ANO10: variants seen among roughly 807,000 people sequenced by gnomAD.
ANO10 encodes the protein anoctamin 10.
In ANO10, 77 loss-of-function variants were observed where a neutral mutation model predicts 74.7. The ratio of observed to expected loss-of-function variants is 1.03; its 90% CI spans 0.86 to 1.25. The LOEUF is 1.25. Among genes scored for constraint, ANO10 ranks in the 50% most tolerant of loss-of-function variants. The pLI is 0.00. For missense variants in ANO10, 721 were observed against 778.1 expected, an observed-to-expected ratio of 0.93 and a Z score of 0.87; for synonymous variants, 279 against 284.9, an observed-to-expected ratio of 0.98 and a Z score of 0.21.
chr3:43,480,471 A>AGG (rs1418394781), intron 11 of ANO10, among the ~76,000 whole-genome samples: 1 of 152,232 alleles, frequency 6.6e-6, no homozygotes, highest in Non-Finnish European at 1.5e-5. Flanking sequence ...GTAAAGGATC[A>AGG]GGGGTCAGGC....
rs369038472 is a variant in ANO10, at chr3:43,589,892, G to A, written c.472+8640C>T. Among the ~76,000 whole-genome samples the A allele has an allele frequency of 3.0e-4, 45 of 152,202 alleles. 1 individual carries two copies. The East Asian group carries it at 5.8e-3, about 20-fold the overall frequency. ...TCAAAATATATTGTTAAATAAAAAA[G>A]CAAGGTCCAAAATGGTATGCACAAT... On this transcript the variant is annotated intron_variant, in intron 4 of 12. Transcript: ENST00000292246.
intron 11 of ANO10, among the ~76,000 whole-genome samples, chr3:43,515,394 A>G (rs944604831): frequency 8.5e-5 from 13 of 152,136 alleles, no homozygotes; most frequent in African/African-American, 3.1e-4. Flanking sequence ...GTAGCCCAGC[A>G]CTCACATCAT....
At chr3:43,388,768 A>G (rs2092197332) in intron 12 of ANO10, among the ~76,000 whole-genome samples, 1 of 152,230 alleles carries the variant, frequency 6.6e-6, no homozygotes, top group African/African-American at 2.4e-5. Context: ...CTAAAATGTT[A>G]TGGTTCATTC....
chr3:43,412,743 ACTTGGAGATAAAACAAT>A (rs2092684833), intron 12 of ANO10, among the ~76,000 whole-genome samples: 3 of 152,232 alleles, frequency 2.0e-5, no homozygotes, highest in African/African-American at 7.2e-5. Flanking sequence ...AAGAGCCTGT[ACTTGGAGATAAAACAAT>A]CTCGATGTGG....
intron 4 of ANO10, among the ~76,000 whole-genome samples, chr3:43,585,270 C>A (rs1188556059): frequency 6.6e-6 from 1 of 152,008 alleles, no homozygotes; most frequent in Non-Finnish European, 1.5e-5. Flanking sequence ...GTATAAAAAT[C>A]TTTCCAATGA....
intron 11 of ANO10, among the ~76,000 whole-genome samples, chr3:43,525,107 C>T (rs2078133059): frequency 6.6e-6 from 1 of 152,148 alleles, no homozygotes; most frequent in Admixed American, 6.6e-5. Flanking sequence ...CTCTTACCCC[C>T]CACCGACCAA....
intron 11 of ANO10, among the ~76,000 whole-genome samples, chr3:43,471,664 T>C (rs1039422761): frequency 2.0e-5 from 3 of 152,256 alleles, no homozygotes; most frequent in Admixed American, 2.0e-4. Context: ...GACATGCTAC[T>C]CAAGAGGCTG....
Position 43,600,497 on chromosome 3 carries a change from G to A in ANO10, c.224C>T (p.Ser75Phe), listed in dbSNP as rs769095178. Residue 75 changes from serine to phenylalanine, a missense_variant, in exon 3 of 13, where the codon TCC becomes TTC. By Grantham distance (155) the Ser-to-Phe change is radical (BLOSUM62 -2). Coordinates refer to ENST00000292246, the MANE Select transcript of ANO10 (RefSeq NM_018075.5). ...TGCCCCTAGTAACATTCTAATCTTG[G>A]AGGCACCAACAAGATATAAGTTCTG... ...ENQNLYLVGA[S>F]KIRMLLGAEA... The A allele has an allele frequency of 1.3e-4, 207 of 1,613,658 alleles. No homozygotes were observed. The highest frequency in any genetic ancestry group is 1.7e-4 in the Non-Finnish European group (203 of 1,179,816).
chr3:43,593,229 C>A (rs909950484), intron 4 of ANO10, among the ~76,000 whole-genome samples: 8 of 152,142 alleles, frequency 5.3e-5, no homozygotes, highest in African/African-American at 1.9e-4. Flanking sequence ...GCAAGGCAGG[C>A]CAACATTCAA....
At chr3:43,469,065 T>A (rs529734375) in intron 11 of ANO10, among the ~76,000 whole-genome samples, 2 of 101,144 alleles carry the variant, frequency 2.0e-5, no homozygotes, top group Non-Finnish European at 3.9e-5. Flanking sequence ...TTTTTTGAGA[T>A]GGAGTCTTGT....
At chr3:43,502,990 G>C (rs1228680715) in intron 11 of ANO10, among the ~76,000 whole-genome samples, 1 of 152,156 alleles carries the variant, frequency 6.6e-6, no homozygotes, top group South Asian at 2.1e-4. Flanking sequence ...AAGATGAAAA[G>C]AATTATAGAG....
At chr3:43,423,495 A>G (rs921679804) in intron 12 of ANO10, among the ~76,000 whole-genome samples, 7 of 152,156 alleles carry the variant, frequency 4.6e-5, no homozygotes, top group Admixed American at 1.3e-4. Flanking sequence ...AGAACAAACT[A>G]TAGTGGGGCA....
chr3:43,492,577 C>T (rs1486119009), intron 11 of ANO10, among the ~76,000 whole-genome samples: 2 of 152,008 alleles, frequency 1.3e-5, no homozygotes, highest in Non-Finnish European at 2.9e-5. Flanking sequence ...CTACAAAGAA[C>T]TTAAATTTAC....
intron 1 of ANO10, among the ~76,000 whole-genome samples, chr3:43,627,496 A>T (rs534035778): frequency 6.6e-6 from 1 of 152,368 alleles, no homozygotes; most frequent in African/African-American, 2.4e-5. Flanking sequence ...TGCCACAGTC[A>T]CTACTGCTTC....
At chr3:43,390,620 C>G (rs2092252693) in intron 12 of ANO10, among the ~76,000 whole-genome samples, 1 of 152,168 alleles carries the variant, frequency 6.6e-6, no homozygotes, top group African/African-American at 2.4e-5. Flanking sequence ...CTGACATGGC[C>G]CTGTTTGTTG....
intron 12 of ANO10, among the ~76,000 whole-genome samples, chr3:43,375,271 C>T (rs577050629): frequency 2.6e-5 from 4 of 151,840 alleles, no homozygotes. Flanking sequence ...CATGGTGAAA[C>T]CCTGTCTCTA....
At chr3:43,502,731 C>T (rs963761275) in intron 11 of ANO10, among the ~76,000 whole-genome samples, 8 of 152,178 alleles carry the variant, frequency 5.3e-5, no homozygotes, top group East Asian at 3.8e-4. Flanking sequence ...GCAGTATGTA[C>T]GTGCAATGGA....
At chr3:43,517,782 T>C (rs180864609) in intron 11 of ANO10, among the ~76,000 whole-genome samples, 4 of 152,316 alleles carry the variant, frequency 2.6e-5, no homozygotes, top group African/African-American at 9.6e-5. Context: ...ATCATACAAA[T>C]TGAGCACTAC....
At position 43,571,277 on chromosome 3, in the gene ANO10, C is replaced by T. The variant is rs947709694; in HGVS notation, c.1218+3532G>A. ...TCAACCATTGTGGAAGTCAGTGTGG[C>T]GACTCCTCAGGGATCTAGAACTGGA... On this transcript the variant is annotated intron_variant, in intron 7 of 12. Coordinates refer to ENST00000292246, the MANE Select transcript of ANO10 (RefSeq NM_018075.5). 1.8e-3 allele frequency among the ~76,000 whole-genome samples: 276 copies of T among 152,170 alleles called. 1 individual carries two copies. Among genetic ancestry groups the T allele is most frequent in the African/African-American group, 6.4e-3 (264 of 41,488 alleles).
Sources: allele counts gnomAD v4.1 joint callset (sites outside exome capture counted in the v4.1 genomes callset), GRCh38; gene constraint gnomAD v4.1.1; transcripts MANE v1.5; gene names NCBI Gene and HGNC (gene_info 2026-07-23, HGNC 2026-07-21).